Variants in EPB41L2 observed in about 807,000 individuals in gnomAD.
EPB41L2 encodes the protein band 4.1-like protein 2.
In EPB41L2, 43 loss-of-function variants were observed where a neutral mutation model predicts 113.0. That is an observed-to-expected ratio of 0.38 (90% CI 0.30 to 0.49). The LOEUF (loss-of-function observed/expected upper bound fraction) is 0.49, where lower values mean the gene tolerates loss of function less well. Ranked by LOEUF, EPB41L2 falls within the 20% of genes least tolerant of loss-of-function variation. The pLI, the probability that EPB41L2 is intolerant of heterozygous loss-of-function variation, is 0.95. For missense variants in EPB41L2, 1,147 were observed against 1,223.4 expected, an observed-to-expected ratio of 0.94 and a Z score of 0.93; for synonymous variants, 442 against 436.7, an observed-to-expected ratio of 1.01 and a Z score of -0.15.
chr6:130,965,513 A>G (rs2128642038), intron 1 of EPB41L2, among the ~76,000 whole-genome samples: 1 of 152,324 alleles, frequency 6.6e-6, no homozygotes, highest in South Asian at 2.1e-4. Context: ...AAAGCCCAAT[A>G]AAACAAGTCT....
chr6:131,010,826 C>T (rs945884595), intron 1 of EPB41L2, among the ~76,000 whole-genome samples: 6 of 152,142 alleles, frequency 3.9e-5, no homozygotes, highest in Non-Finnish European at 7.4e-5. Context: ...AAAACATTAA[C>T]ACCTCCTGGA....
At chr6:130,961,201 C>A (rs1300752232) in intron 1 of EPB41L2, among the ~76,000 whole-genome samples, 2 of 152,180 alleles carry the variant, frequency 1.3e-5, no homozygotes, top group African/African-American at 4.8e-5. Context: ...AAGTAATGAT[C>A]TTTCTACTTA....
intron 14 of EPB41L2, among the ~76,000 whole-genome samples, chr6:130,876,102 T>C (rs1024054618): frequency 6.6e-6 from 1 of 152,060 alleles, no homozygotes; most frequent in Non-Finnish European, 1.5e-5. Flanking sequence ...ACCACCTGGC[T>C]AAGTAAAATC....
At chr6:130,974,717 C>CTT (rs71030723) in intron 1 of EPB41L2, among the ~76,000 whole-genome samples, 2,304 of 64,642 alleles carry the variant, frequency 0.036, 237 homozygotes, top group African/African-American at 0.055. Flanking sequence ...CTTTTCTTTT[C>CTT]TTTTTTTTTT....
chr6:130,962,100 T>C (rs887549641), intron 1 of EPB41L2, among the ~76,000 whole-genome samples: 1 of 152,166 alleles, frequency 6.6e-6, no homozygotes, highest in African/African-American at 2.4e-5. Context: ...CCTATAGCTA[T>C]TGAAAGAGAA....
At chr6:131,004,115 TCTGC>T (rs1396528145) in intron 1 of EPB41L2, among the ~76,000 whole-genome samples, 8 of 152,220 alleles carry the variant, frequency 5.3e-5, no homozygotes, top group African/African-American at 1.9e-4. Context: ...AACGACTTGT[TCTGC>T]CTGCCTATCT....
chr6:130,861,789 T>C (rs963347175), intron 18 of EPB41L2, among the ~76,000 whole-genome samples: 2 of 150,456 alleles, frequency 1.3e-5, no homozygotes, highest in Admixed American at 1.3e-4. Context: ...GGAGAATCAC[T>C]TGAACCCAGG....
intron 1 of EPB41L2, among the ~76,000 whole-genome samples, chr6:131,046,920 G>A (rs143069619): frequency 6.6e-5 from 10 of 152,244 alleles, no homozygotes; most frequent in African/African-American, 2.2e-4. Context: ...AGTTACCCGT[G>A]GGGAGGGGAA....
intron 1 of EPB41L2, among the ~76,000 whole-genome samples, chr6:130,983,152 T>C (rs1217558381): frequency 6.6e-6 from 1 of 152,180 alleles, no homozygotes; most frequent in East Asian, 1.9e-4. Flanking sequence ...TACCATAAAG[T>C]TCTCAAAAAG....
At chr6:131,026,976 C>G (rs762983069) in intron 1 of EPB41L2, among the ~76,000 whole-genome samples, 5 of 152,250 alleles carry the variant, frequency 3.3e-5, no homozygotes, top group African/African-American at 1.2e-4. Flanking sequence ...TGTTACTGGT[C>G]TAAAACTTAC....
intron 4 of EPB41L2, among the ~76,000 whole-genome samples, chr6:130,917,031 G>C (rs1469805578): frequency 6.6e-6 from 1 of 152,274 alleles, no homozygotes; most frequent in East Asian, 1.9e-4. Flanking sequence ...CCATATCTAA[G>C]TGTTCCTTTG....
intron 1 of EPB41L2, among the ~76,000 whole-genome samples, chr6:130,987,869 T>C (rs901835840): frequency 2.7e-5 from 4 of 150,854 alleles, no homozygotes; most frequent in African/African-American, 9.8e-5. Context: ...TCCCAATACT[T>C]TGGGAGCCCT....
At chr6:131,022,541 A>G (rs576026558) in intron 1 of EPB41L2, among the ~76,000 whole-genome samples, 32 of 152,306 alleles carry the variant, frequency 2.1e-4, no homozygotes, top group Middle Eastern at 3.4e-3. Context: ...TCCTGGCTCC[A>G]TATTTATCTG....
At chr6:130,954,926 C>T (rs972009438) in intron 3 of EPB41L2, among the ~76,000 whole-genome samples, 179 bp downstream of exon 3, 2 of 152,226 alleles carry the variant, frequency 1.3e-5, no homozygotes, top group Non-Finnish European at 2.9e-5. Context: ...AGCATCCCTG[C>T]TTATCCCAAG....
chr6:130,906,230 A>G (rs1468659138), intron 5 of EPB41L2, among the ~76,000 whole-genome samples: 1 of 152,182 alleles, frequency 6.6e-6, no homozygotes, highest in African/African-American at 2.4e-5. Flanking sequence ...TTGCCTGGAC[A>G]GGACTCGGAG....
chr6:130,926,049 C>T (rs1804627227), intron 4 of EPB41L2, among the ~76,000 whole-genome samples: 2 of 152,164 alleles, frequency 1.3e-5, no homozygotes, highest in South Asian at 4.1e-4. Context: ...CTATTGATTG[C>T]TCTGTTCTGC....
chr6:130,924,570 C>T (rs1298340199), intron 4 of EPB41L2, among the ~76,000 whole-genome samples: 6 of 151,876 alleles, frequency 4.0e-5, no homozygotes, highest in Admixed American at 1.3e-4. Flanking sequence ...ATAGTAGAGA[C>T]GGGGTTTCAC....
intron 1 of EPB41L2, among the ~76,000 whole-genome samples, chr6:131,001,435 CAAGTT>C (rs1244761476): frequency 6.6e-6 from 1 of 152,162 alleles, no homozygotes; most frequent in Non-Finnish European, 1.5e-5. Context: ...CACTAGAGAA[CAAGTT>C]AAGTACAGCA....
intron 18 of EPB41L2, among the ~76,000 whole-genome samples, chr6:130,862,469 A>T (rs1323065975): frequency 6.6e-6 from 1 of 152,192 alleles, no homozygotes; most frequent in Non-Finnish European, 1.5e-5. Context: ...GGCGAAACTC[A>T]AGACTGTTCC....
Sources: allele counts gnomAD v4.1 joint callset (sites outside exome capture counted in the v4.1 genomes callset), GRCh38; gene constraint gnomAD v4.1.1; transcripts MANE v1.5; gene names NCBI Gene and HGNC (gene_info 2026-07-23, HGNC 2026-07-21).